Variants in CARD19 observed in about 807,000 individuals in gnomAD.
CARD19 encodes the protein caspase recruitment domain family member 19.
A neutral mutation model predicts 24.1 loss-of-function variants in CARD19; 25 were observed. The ratio of observed to expected loss-of-function variants is 1.04; its 90% CI spans 0.76 to 1.45. The LOEUF is 1.45. Among genes scored for constraint, CARD19 ranks in the 40% most tolerant of loss-of-function variants. CARD19 has a pLI of 0.00. For missense variants in CARD19, 241 were observed against 247.4 expected (o/e 0.97, Z 0.17); for synonymous variants, 103 against 104.9 (o/e 0.98, Z 0.11).
intron 4 of CARD19, 126 bp from the exon 5 acceptor site, chr9:93,112,092 C>T: frequency 7.5e-7 from 1 of 1,339,864 alleles, no homozygotes; most frequent in South Asian, 1.3e-5. Flanking sequence ...CCCTAAGGTG[C>T]TCGTTTGGGG....
intron 1 of CARD19, among the ~76,000 whole-genome samples, chr9:93,103,738 C>T (rs1827160878): frequency 6.6e-6 from 1 of 152,200 alleles, no homozygotes; most frequent in Non-Finnish European, 1.5e-5. Flanking sequence ...AGGGAGCTAG[C>T]ATCTGGTGAG....
At chr9:93,101,394 G>C (rs1473941691) in intron 1 of CARD19, among the ~76,000 whole-genome samples, 1 of 149,476 alleles carries the variant, frequency 6.7e-6, no homozygotes, top group African/African-American at 2.5e-5. Flanking sequence ...CCTGCTTTTT[G>C]TTTTCTAGGG....
intron 3 of CARD19, chr9:93,111,198 A>T: frequency 8.5e-7 from 1 of 1,183,294 alleles, no homozygotes; most frequent in Non-Finnish European, 1.1e-6. Context: ...ATTGTCAGGC[A>T]CGGATGGCTG....
intron 1 of CARD19, among the ~76,000 whole-genome samples, chr9:93,102,412 G>A (rs1007137985): frequency 2.0e-5 from 3 of 152,084 alleles, no homozygotes; most frequent in African/African-American, 4.8e-5. Flanking sequence ...ATGGAGTAAG[G>A]ATACTAATCC....
chr9:93,107,182 G>A (rs1033562919), intron 1 of CARD19, among the ~76,000 whole-genome samples: 1 of 151,960 alleles, frequency 6.6e-6, no homozygotes, highest in Non-Finnish European at 1.5e-5. Context: ...CGCACATCTG[G>A]GCATTCTTGA....
In CARD19 at chr9:93,107,700, C is replaced by T; in HGVS notation, c.34C>T (p.Gln12Ter). 6.2e-7 allele frequency: 1 copy of T among 1,614,250 alleles called. No homozygotes were observed. The highest frequency in any genetic ancestry group is 8.5e-7 in the Non-Finnish European group (1 of 1,180,032). The change falls in exon 2 of 6, where the codon CAG becomes TAG. Residue 12 changes from glutamine (Q) to a stop codon, truncating the protein, a stop_gained. Transcript: ENST00000375464. LOFTEE classifies it high-confidence loss of function. ...TDQTYCDRLV[Q>*]DTPFLTGHGR... ...TCAGACCTATTGTGACCGCCTGGTG[C>T]AGGACACGCCTTTCCTGACAGGCCA...
At chr9:93,107,957 C>A in intron 2 of CARD19, 141 bp downstream of exon 2, 2 of 1,143,208 alleles carry the variant, frequency 1.7e-6, no homozygotes, top group Non-Finnish European at 2.5e-6. Flanking sequence ...GGTGACACAT[C>A]TGGACCTGGC....
intron 1 of CARD19, among the ~76,000 whole-genome samples, chr9:93,097,609 G>A (rs73518607): frequency 0.014 from 2,123 of 152,354 alleles, 57 homozygotes; most frequent in African/African-American, 0.049. Context: ...ATCAGAATGC[G>A]TGGGACACAA....
chr9:93,102,352 T>C (rs921257452), intron 1 of CARD19, among the ~76,000 whole-genome samples: 3 of 152,216 alleles, frequency 2.0e-5, no homozygotes, highest in Non-Finnish European at 4.4e-5. Flanking sequence ...TTTGCCTATT[T>C]TTGAATTGGG....
At chr9:93,098,240 G>A (rs1249111861) in intron 1 of CARD19, among the ~76,000 whole-genome samples, 2 of 152,258 alleles carry the variant, frequency 1.3e-5, no homozygotes, top group Non-Finnish European at 2.9e-5. Context: ...GTTGGTTGGG[G>A]ATGACAGGAA....
intron 4 of CARD19, 53 bp from the exon 5 acceptor site, chr9:93,112,165 A>G (rs576660627): frequency 1.7e-5 from 26 of 1,510,528 alleles, no homozygotes; most frequent in Non-Finnish European, 2.1e-5. Flanking sequence ...AGGCCTCAGG[A>G]CCCCACCCCT....
intron 2 of CARD19, 35 bp from the exon 3 acceptor site, chr9:93,110,533 G>A (rs1827427214): frequency 1.3e-6 from 2 of 1,561,912 alleles, no homozygotes; most frequent in Non-Finnish European, 8.7e-7. Flanking sequence ...AGCCCCCCTG[G>A]CCTGATCTTC....
chr9:93,100,614 A>T (rs1827042381), intron 1 of CARD19, among the ~76,000 whole-genome samples: 1 of 152,222 alleles, frequency 6.6e-6, no homozygotes, highest in Non-Finnish European at 1.5e-5. Flanking sequence ...CACTTCAGTG[A>T]TACTAAATAC....
chr9:93,111,430 C>T, intron 3 of CARD19: 1 of 1,076,304 alleles, frequency 9.3e-7, no homozygotes. Flanking sequence ...GGACAGAGAC[C>T]AGAGGGACTG....
rs754054164 is a variant in CARD19, at chr9:93,107,344, G to A, written c.8-330G>A. On this transcript the variant is annotated intron_variant, in intron 1 of 5. Transcript: ENST00000375464. ...CCACCTGTACCTTCCCCAGAACTGA[G>A]CTATTTCCTGATGGCCCTGCAGGTG... is the stretch of plus-strand genomic sequence containing the variant. Among the ~76,000 whole-genome samples the A allele has an allele frequency of 2.6e-5, 4 of 152,232 alleles. No homozygotes were observed. In the East Asian group the frequency reaches 7.7e-4, roughly 29 times the overall value.
chr9:93,109,829 G>A (rs1485994172), intron 2 of CARD19: 1 of 152,200 alleles, frequency 6.6e-6, no homozygotes, highest in Non-Finnish European at 1.5e-5. Context: ...ACAGAAGTTA[G>A]CACTTATACC....
intron 1 of CARD19, among the ~76,000 whole-genome samples, chr9:93,099,869 T>C (rs1827014893): frequency 6.6e-6 from 1 of 152,188 alleles, no homozygotes; most frequent in African/African-American, 2.4e-5. Context: ...GATGATGGAG[T>C]GGCTGATGGC....
Position 93,096,350 on chromosome 9 carries a change from C to T in CARD19, c.5C>T (p.Thr2Ile), listed in dbSNP as rs1826857022. 1 of 1,226,012 alleles carries T rather than the reference C, an allele frequency of 8.2e-7. No homozygotes were observed. The highest frequency in any genetic ancestry group is 1.0e-6 in the Non-Finnish European group (1 of 984,132). 75.9% of individuals were successfully genotyped at this position (1,226,012 alleles called of 1,614,324 possible). MTDQTYCDRLVQ... is the reference protein window; with the variant it reads MIDQTYCDRLVQ... ...GGCGGCGCTGTGTCCGTCGCCATGA[C>T]AGGTGGGCACGGGGTCGGCTGGGCG... is the stretch of plus-strand genomic sequence containing the variant. Residue 2 changes from threonine to isoleucine, a missense_variant and splice_region_variant, in exon 1 of 6, where the codon ACA becomes ATA. Coordinates refer to ENST00000375464, the MANE Select transcript of CARD19 (RefSeq NM_032310.5). This position sits in a 1 kb window ranked among gnomAD's most constrained non-coding sequence, Gnocchi z 5.4.
At position 93,113,161 on chromosome 9, in the gene CARD19, G is replaced by A. The variant is rs923343361; in HGVS notation, c.*54G>A. On this transcript the variant is annotated 3_prime_UTR_variant, in exon 6 of 6. Transcript: ENST00000375464. ...CACTCAACCAAAGAGTCCTCGAGCC[G>A]GCCCGCCAAGGGGACTGCTGCTTCT... is the stretch of plus-strand genomic sequence containing the variant. 4.9e-5 allele frequency: 57 copies of A among 1,151,976 alleles called. No homozygotes were observed. The highest frequency in any genetic ancestry group is 1.3e-4 in the Admixed American group (5 of 38,370). 71.4% of individuals were successfully genotyped at this position (1,151,976 alleles called of 1,614,324 possible).
Sources: gnomAD v4.1 joint callset for allele counts (sites outside exome capture counted in the v4.1 genomes callset) on GRCh38, gnomAD v4.1.1 for gene constraint, Gnocchi (gnomAD v3.1) non-coding constraint, MANE v1.5 for transcripts, NCBI Gene and HGNC (gene_info 2026-07-23, HGNC 2026-07-21) for gene names.